Variants in WDR72 observed in about 807,000 individuals in gnomAD.
The protein encoded by WDR72 is WD repeat-containing protein 72.
Under a neutral mutation model 124.2 loss-of-function variants are expected in WDR72, and 120 were observed. That is an observed-to-expected ratio of 0.97 (90% CI 0.83 to 1.12). WDR72 has a LOEUF of 1.12. Ranked by LOEUF, WDR72 falls within the 50% of genes most tolerant of loss-of-function variation. The pLI is 0.00. For synonymous variants in WDR72, 452 were observed against 441.7 expected (o/e 1.02, Z -0.29); for missense variants, 1,387 against 1,278.8 (o/e 1.08, Z -1.29).
At chr15:53,658,300 C>G (rs915435113) in intron 14 of WDR72, among the ~76,000 whole-genome samples, 3 of 152,114 alleles carry the variant, frequency 2.0e-5, no homozygotes, top group African/African-American at 7.2e-5. Flanking sequence ...TTGAACATAA[C>G]AGCTCGCAAT....
At chr15:53,570,374 GAACTA>G (rs939319953) in intron 18 of WDR72, among the ~76,000 whole-genome samples, 2 of 150,726 alleles carry the variant, frequency 1.3e-5, no homozygotes, top group African/African-American at 2.4e-5. Flanking sequence ...GGTACCTGGA[GAACTA>G]AACAGATCAA....
chr15:53,548,653 T>C (rs1011951087), intron 18 of WDR72, among the ~76,000 whole-genome samples: 104 of 152,128 alleles, frequency 6.8e-4, no homozygotes, highest in Admixed American at 2.6e-4. Flanking sequence ...GCTTTTTTTT[T>C]TTTTTGGTGG....
intron 18 of WDR72, among the ~76,000 whole-genome samples, chr15:53,595,629 A>G (rs1372397849): frequency 6.6e-6 from 1 of 152,160 alleles, no homozygotes; most frequent in Non-Finnish European, 1.5e-5. Flanking sequence ...ACAATGAACA[A>G]GTAACACTAG....
intron 17 of WDR72, among the ~76,000 whole-genome samples, chr15:53,601,418 C>A (rs2013040039): frequency 6.6e-6 from 1 of 152,056 alleles, no homozygotes; most frequent in Non-Finnish European, 1.5e-5. Flanking sequence ...CTGATGTACA[C>A]AGACCAGTGA....
At chr15:53,688,411 C>T (rs2016720435) in intron 13 of WDR72, among the ~76,000 whole-genome samples, 1 of 149,486 alleles carries the variant, frequency 6.7e-6, no homozygotes. Context: ...CATTCTTATA[C>T]ACCAACAACA....
At chr15:53,562,211 T>C (rs1165028408) in intron 18 of WDR72, among the ~76,000 whole-genome samples, 1 of 151,750 alleles carries the variant, frequency 6.6e-6, no homozygotes, top group Non-Finnish European at 1.5e-5. Context: ...TTAAAACCAG[T>C]TATTTTTGAC....
chr15:53,588,189 C>A (rs1383527304), intron 18 of WDR72, among the ~76,000 whole-genome samples: 1 of 151,976 alleles, frequency 6.6e-6, no homozygotes, highest in African/African-American at 2.4e-5. Flanking sequence ...AGATGTCTGT[C>A]ATTGTCATTT....
intron 14 of WDR72, among the ~76,000 whole-genome samples, chr15:53,660,615 T>A (rs1444927576): frequency 6.6e-6 from 1 of 152,134 alleles, no homozygotes; most frequent in Non-Finnish European, 1.5e-5. Flanking sequence ...TCTAGAAAGC[T>A]CAACTAAAAT....
intron 5 of WDR72, 145 bp downstream of exon 5, chr15:53,715,048 A>AG: frequency 1.1e-6 from 1 of 870,282 alleles, no homozygotes. Flanking sequence ...TTTCTTGATC[A>AG]GGTGTATTAC....
chr15:53,623,276 T>C (rs2014074275), intron 14 of WDR72, among the ~76,000 whole-genome samples: 1 of 152,062 alleles, frequency 6.6e-6, no homozygotes, highest in South Asian at 2.1e-4. Context: ...TCTTTCCTTT[T>C]CCATTTAGTA....
At chr15:53,739,440 G>A (rs187169264) in intron 1 of WDR72, among the ~76,000 whole-genome samples, 17 of 152,258 alleles carry the variant, frequency 1.1e-4, no homozygotes, top group African/African-American at 4.1e-4. Flanking sequence ...ATGCTGAGAT[G>A]TCCAATATAC....
chr15:53,620,733 C>A (rs2013959239), intron 14 of WDR72, among the ~76,000 whole-genome samples: 1 of 152,028 alleles, frequency 6.6e-6, no homozygotes, highest in African/African-American at 2.4e-5. Context: ...TAGACATCAG[C>A]CTAGGCAAGG....
chr15:53,695,274 T>C (rs962194677), intron 13 of WDR72, among the ~76,000 whole-genome samples: 3 of 152,230 alleles, frequency 2.0e-5, no homozygotes, highest in Non-Finnish European at 2.9e-5. Flanking sequence ...ACAAATTATC[T>C]GCTATGTAAA....
intron 18 of WDR72, among the ~76,000 whole-genome samples, chr15:53,533,623 C>T (rs954145154): frequency 6.6e-6 from 1 of 152,056 alleles, no homozygotes; most frequent in Admixed American, 6.6e-5. Context: ...TCGCATTTAG[C>T]GATTTCTCAC....
At chr15:53,559,212 A>G (rs1327663770) in intron 18 of WDR72, among the ~76,000 whole-genome samples, 1 of 151,796 alleles carries the variant, frequency 6.6e-6, no homozygotes, top group Admixed American at 6.6e-5. Flanking sequence ...CTACTGCCAT[A>G]GTAGCCTTGG....
intron 18 of WDR72, among the ~76,000 whole-genome samples, chr15:53,585,845 C>T (rs1190941218): frequency 6.6e-6 from 1 of 151,998 alleles, no homozygotes; most frequent in Admixed American, 6.6e-5. Context: ...TGTCAGATAG[C>T]CATATTCCTC....
intron 14 of WDR72, among the ~76,000 whole-genome samples, chr15:53,637,699 C>T (rs2014676670): frequency 6.6e-6 from 1 of 152,144 alleles, no homozygotes; most frequent in Admixed American, 6.5e-5. Context: ...TCCTTCCCCT[C>T]TTCTCAGCTT....
intron 1 of WDR72, among the ~76,000 whole-genome samples, chr15:53,747,065 T>C (rs1216536125): frequency 1.3e-5 from 2 of 152,130 alleles, no homozygotes; most frequent in Non-Finnish European, 2.9e-5. Flanking sequence ...ACTTTAACCG[T>C]AGAAGACTAT....
intron 13 of WDR72, among the ~76,000 whole-genome samples, chr15:53,670,721 C>A (rs979699958): frequency 1.3e-5 from 2 of 152,182 alleles, no homozygotes; most frequent in East Asian, 1.9e-4. Context: ...CATGGAGTTA[C>A]TTGAGGATTA....
Sources: gnomAD v4.1 joint callset for allele counts (sites outside exome capture counted in the v4.1 genomes callset) on GRCh38, gnomAD v4.1.1 for gene constraint, MANE v1.5 for transcripts, NCBI Gene and HGNC (gene_info 2026-07-23, HGNC 2026-07-21) for gene names.